GDA: variants seen among roughly 807,000 people sequenced by gnomAD.
The protein encoded by GDA is guanine deaminase.
Under a neutral mutation model 59.6 loss-of-function variants are expected in GDA, and 18 were observed. The observed-to-expected ratio is 0.30, with a 90% CI of 0.21 to 0.45. The LOEUF (loss-of-function observed/expected upper bound fraction) is 0.45. Among genes scored for constraint, GDA ranks in the 20% least tolerant of loss-of-function variants. GDA has a pLI of 1.00. For missense variants in GDA, 427 were observed against 552.3 expected (o/e 0.77, Z 2.27); for synonymous variants, 201 against 201.1 (o/e 1.00, Z 0.00).
intron 13 of GDA, among the ~76,000 whole-genome samples, chr9:72,247,776 A>G (rs1250087456): frequency 6.6e-6 from 1 of 152,144 alleles, no homozygotes; most frequent in Non-Finnish European, 1.5e-5. Flanking sequence ...GTAGAGTCTC[A>G]CCACACGTGC....
In GDA at chr9:72,158,872, CCATCATCATCAT is replaced by C. The variant is rs113332500; in HGVS notation, c.123+9213_123+9224del. ...ACAACCTTGAGACAAGGTAAGGACACCATCATCATCATCATCATCATCATCATCATCATCTCT... is the reference window on the plus strand; with the variant it reads ...ACAACCTTGAGACAAGGTAAGGACACCATCATCATCATCATCATCATCTCT... On this transcript the variant is annotated intron_variant, in intron 1 of 13. Coordinates refer to ENST00000358399, the MANE Select transcript of GDA (RefSeq NM_004293.5). 6.0e-5 allele frequency among the ~76,000 whole-genome samples: 9 copies of C among 150,740 alleles called. No homozygotes were observed. In the South Asian group the frequency reaches 6.3e-4, roughly 11 times the overall value.
chr9:72,228,626 A>T (rs1339847022), intron 9 of GDA: 2 of 152,840 alleles, frequency 1.3e-5, no homozygotes, highest in African/African-American at 4.8e-5. Context: ...AGTGGCTCAC[A>T]TCTGTAATCC....
intron 1 of GDA, among the ~76,000 whole-genome samples, chr9:72,150,961 A>G (rs946112522): frequency 6.6e-6 from 1 of 152,118 alleles, no homozygotes; most frequent in Admixed American, 6.6e-5. Context: ...AAAGGAACGG[A>G]GATTGCTAAA....
chr9:72,135,338 G>A (rs1826182556), intron 1 of GDA, among the ~76,000 whole-genome samples: 1 of 151,966 alleles, frequency 6.6e-6, no homozygotes, highest in Admixed American at 6.6e-5. Context: ...TAGCTACTAT[G>A]CCAAGAATTA....
In GDA at chr9:72,116,880, C is replaced by A. The variant is rs550842010; in HGVS notation, c.-100+2047C>A. ...CATGTTGGTGTGCTGCACCCATTAACTCATCATTTACATTAGGTATATCTC... is the reference window on the plus strand; with the variant it reads ...CATGTTGGTGTGCTGCACCCATTAAATCATCATTTACATTAGGTATATCTC... On this transcript the variant is annotated intron_variant, in intron 1 of 13. Coordinates refer to the GDA transcript ENST00000545168. Among the ~76,000 whole-genome samples the A allele has an allele frequency of 3.0e-3, 450 of 151,944 alleles. 3 individuals carry two copies. The highest frequency in any genetic ancestry group is 0.01 in the African/African-American group (432 of 41,402).
chr9:72,117,301 T>C (rs1259872128), intron 1 of GDA, among the ~76,000 whole-genome samples: 1 of 152,074 alleles, frequency 6.6e-6, no homozygotes, highest in Non-Finnish European at 1.5e-5. Flanking sequence ...AATATTAAGG[T>C]TTTAAAAAAG....
chr9:72,117,387 G>T (rs549074745), intron 1 of GDA, among the ~76,000 whole-genome samples: 4 of 151,878 alleles, frequency 2.6e-5, no homozygotes, highest in East Asian at 1.9e-4. Flanking sequence ...TTTATAAAAT[G>T]ATAATTTGAG....
At chr9:72,255,714 C>G (rs753464033), downstream of GDA, among the ~76,000 whole-genome samples, 4 of 152,164 alleles carry the variant, frequency 2.6e-5, no homozygotes, top group Non-Finnish European at 4.4e-5. Context: ...CAATGGCATG[C>G]TATCCATCCC....
intron 1 of GDA, among the ~76,000 whole-genome samples, chr9:72,164,219 C>A (rs1176643199): frequency 6.6e-6 from 1 of 152,090 alleles, no homozygotes; most frequent in Admixed American, 6.6e-5. Flanking sequence ...ACTAATTCCT[C>A]TTGTTGAGTT....
intron 1 of GDA, among the ~76,000 whole-genome samples, chr9:72,166,474 A>C (rs866003839): frequency 3.6e-4 from 55 of 152,248 alleles, no homozygotes; most frequent in African/African-American, 1.3e-3. Context: ...GGGCAGCTAG[A>C]TAGAAGTTAT....
intron 1 of GDA, among the ~76,000 whole-genome samples, chr9:72,121,027 C>T (rs1432795657): frequency 1.3e-5 from 2 of 152,142 alleles, no homozygotes; most frequent in African/African-American, 4.8e-5. Flanking sequence ...CAGGTTCTTA[C>T]TTCAACCACA....
Position 72,219,495 on chromosome 9 carries a change from C to G in GDA, c.595C>G (p.Leu199Val), listed in dbSNP as rs746599235. Reference protein sequence around the residue: ...KETERFVSEMLQKNYSRVKPI... With the variant: ...KETERFVSEMVQKNYSRVKPI... ...TTATTTCAGATTTGTGTCAGAAATG[C>G]TCCAAAAGAACGTGAGTAACTTTGT... is the stretch of plus-strand genomic sequence containing the variant. Residue 199 changes from leucine to valine, a missense_variant, in exon 6 of 14, where the codon CTC (leucine) becomes GTC (valine). Transcript: ENST00000358399. The G allele has an allele frequency of 6.3e-7, 1 of 1,599,634 alleles. No individual in the cohort carries two copies.
intron 10 of GDA, 91 bp downstream of exon 10, chr9:72,231,272 A>T (rs201133422): frequency 1.6e-4 from 16 of 102,262 alleles, no homozygotes; most frequent in East Asian, 3.0e-4. Flanking sequence ...TGTTCTGTTT[A>T]AAAAAAAAAA....
Position 72,250,786 on chromosome 9 carries a change from T to A in GDA, c.*2444T>A. 1 of 1,609,218 alleles carries A rather than the reference T, an allele frequency of 6.2e-7. No homozygotes were observed. Among genetic ancestry groups the A allele is most frequent in the Non-Finnish European group, 8.5e-7 (1 of 1,176,736 alleles). ...TTCACTTACCAGCCTCCTCACCCCATCCTCCACCATTTCCTTAATGTTCCA... is the reference window on the plus strand; with the variant it reads ...TTCACTTACCAGCCTCCTCACCCCAACCTCCACCATTTCCTTAATGTTCCA... On this transcript the variant is annotated 3_prime_UTR_variant, in exon 14 of 14. Transcript: ENST00000358399.
chr9:72,143,780 T>C (rs1826526291), intron 1 of GDA, among the ~76,000 whole-genome samples: 1 of 152,262 alleles, frequency 6.6e-6, no homozygotes, highest in African/African-American at 2.4e-5. Context: ...TTTTGTCTTT[T>C]CTATATTTGA....
rs745526408 is a variant in GDA at position 72,192,421 on chromosome 9, G to A, written c.124-3079G>A. Among the ~76,000 whole-genome samples the A allele has an allele frequency of 8.0e-5, 12 of 149,808 alleles. No homozygotes were observed. In the East Asian group the frequency reaches 1.6e-3, roughly 20 times the overall value. ...TAATTTTTGTAGTTTTAGTAGAGAC[G>A]GGTTTTCACCAAGTTGGCCAGGCTG... On this transcript the variant is annotated intron_variant, in intron 1 of 13. Coordinates refer to ENST00000358399, the MANE Select transcript of GDA (RefSeq NM_004293.5).
upstream of GDA, among the ~76,000 whole-genome samples, chr9:72,144,798 T>C (rs912051710): frequency 1.3e-5 from 2 of 152,108 alleles, no homozygotes; most frequent in African/African-American, 2.4e-5. Context: ...TGGAGATCAT[T>C]ATGATTTGCT....
chr9:72,209,432 T>C (rs1835098336), intron 3 of GDA, among the ~76,000 whole-genome samples: 1 of 152,196 alleles, frequency 6.6e-6, no homozygotes, highest in South Asian at 2.1e-4. Flanking sequence ...ATAATATTTT[T>C]ACTTTTGGAG....
rs1180978714 is a variant in GDA, at chr9:72,250,864, G to T, written c.*2522G>T. 23 of 1,594,992 alleles carry T rather than the reference G, an allele frequency of 1.4e-5. No individual in the cohort carries two copies. Among genetic ancestry groups the T allele is most frequent in the South Asian group, 1.4e-4 (13 of 90,364 alleles). ...AAGGTAAAAACAATTCAAAAGTATC[G>T]ATTATCATAAATTCACAAAATATTT... On this transcript the variant is annotated 3_prime_UTR_variant, in exon 14 of 14. Coordinates refer to ENST00000358399, the MANE Select transcript of GDA (RefSeq NM_004293.5).
Sources: gnomAD v4.1 joint callset for allele counts (sites outside exome capture counted in the v4.1 genomes callset) on GRCh38, gnomAD v4.1.1 for gene constraint, MANE v1.5 for transcripts, NCBI Gene and HGNC (gene_info 2026-07-23, HGNC 2026-07-21) for gene names.